Variants in ROBO1 observed in about 807,000 individuals in gnomAD.
ROBO1 encodes the protein roundabout homolog 1.
ROBO1 carries 149 observed loss-of-function variants against 195.9 expected under a neutral mutation model. The observed-to-expected ratio is 0.76, with a 90% CI of 0.67 to 0.87. ROBO1 has a LOEUF of 0.87. Among genes scored for constraint, ROBO1 ranks in the 40% least tolerant of loss-of-function variants. ROBO1 has a pLI of 0.00. For synonymous variants in ROBO1, 816 were observed against 733.2 expected (o/e 1.11, Z -1.82); for missense variants, 1,933 against 2,068.3 (o/e 0.93, Z 1.27).
chr3:78,770,329 T>A (rs1238070301), intron 4 of ROBO1, among the ~76,000 whole-genome samples: 1 of 152,220 alleles, frequency 6.6e-6, no homozygotes, highest in Non-Finnish European at 1.5e-5. Flanking sequence ...CAGAATGGTG[T>A]GAGATGGTAT....
At position 79,218,467 on chromosome 3, in the gene ROBO1, C is replaced by G. The variant is rs180685237; in HGVS notation, c.89-92928G>C. 1.2e-3 allele frequency among the ~76,000 whole-genome samples: 189 copies of G among 152,020 alleles called. 3 individuals carry two copies. The highest frequency in any genetic ancestry group is 3.7e-3 in the African/African-American group (153 of 41,522). ...TGGTACTAACTACCACAAATAAATT[C>G]TTTTGGATAGAGTCCAAAATGCATC... On this transcript the variant is annotated intron_variant, in intron 2 of 30. Coordinates refer to ENST00000464233, the MANE Select transcript of ROBO1 (RefSeq NM_002941.4).
intron 2 of ROBO1, among the ~76,000 whole-genome samples, chr3:79,289,712 A>T (rs183053651): frequency 6.6e-6 from 1 of 152,334 alleles, no homozygotes; most frequent in East Asian, 1.9e-4. Context: ...ATATGCAAGA[A>T]ATAAATATTG....
At chr3:78,954,565 C>A (rs1483188533) in intron 3 of ROBO1, among the ~76,000 whole-genome samples, 2 of 152,048 alleles carry the variant, frequency 1.3e-5, no homozygotes, top group Admixed American at 6.6e-5. Context: ...GAAATGTTCA[C>A]TGACAAAGGA....
At chr3:79,612,024 T>G (rs951360867) in intron 1 of ROBO1, among the ~76,000 whole-genome samples, 1 of 131,020 alleles carries the variant, frequency 7.6e-6, no homozygotes, top group Non-Finnish European at 1.6e-5. Flanking sequence ...GACTATTATC[T>G]TTTTTTTTAT....
chr3:79,384,689 G>T (rs2036678153), intron 2 of ROBO1, among the ~76,000 whole-genome samples: 1 of 151,870 alleles, frequency 6.6e-6, no homozygotes, highest in Admixed American at 6.6e-5. Context: ...ATTATGATAA[G>T]TCCTAGATGT....
At chr3:79,636,351 C>A (rs1001745507) in intron 1 of ROBO1, among the ~76,000 whole-genome samples, 3 of 152,064 alleles carry the variant, frequency 2.0e-5, no homozygotes, top group Non-Finnish European at 4.4e-5. Flanking sequence ...AGGGAGCAAA[C>A]CTCTTGAAAT....
rs1406578686 is a variant in ROBO1 at position 79,461,933 on chromosome 3, C to CA, written c.88+127890dup. Among the ~76,000 whole-genome samples the CA allele has an allele frequency of 2.0e-5, 3 of 151,992 alleles. No homozygotes were observed. The East Asian group carries it at 5.8e-4, about 29-fold the overall frequency. On this transcript the variant is annotated intron_variant, in intron 2 of 30. Transcript: ENST00000464233. ...TTCCTAAAAAACAATCCAAACTAAG[C>CA]AAAAAATGTTGTTGTCCAATCTATC...
At chr3:79,199,766 G>A (rs570783820) in intron 2 of ROBO1, among the ~76,000 whole-genome samples, 46 of 151,444 alleles carry the variant, frequency 3.0e-4, no homozygotes, top group South Asian at 1.5e-3. Context: ...GGATTCAATC[G>A]TAGTACATTA....
intron 3 of ROBO1, among the ~76,000 whole-genome samples, chr3:79,038,057 C>A (rs1386368108): frequency 6.6e-6 from 1 of 152,086 alleles, no homozygotes; most frequent in Non-Finnish European, 1.5e-5. Context: ...ATAGCACTTT[C>A]TTAAACTTTA....
rs1035106767 is a variant in ROBO1 at position 78,712,307 on chromosome 3, G to GT, written c.1045+2089dup. ...ATGAGCTATACACAAAACACGGAAAGTTTTTTAACAATACAATTACACTAC... is the reference window on the plus strand; with the variant it reads ...ATGAGCTATACACAAAACACGGAAAGTTTTTTTAACAATACAATTACACTAC... On this transcript the variant is annotated intron_variant, in intron 8 of 30. Transcript: ENST00000464233. Among the ~76,000 whole-genome samples, 297 of 152,172 alleles carry GT rather than the reference G, an allele frequency of 2.0e-3. 2 individuals are homozygous for GT. Among genetic ancestry groups the GT allele is most frequent in the African/African-American group, 6.8e-3 (283 of 41,518 alleles).
chr3:79,715,881 C>T (rs1702461473), intron 1 of ROBO1, among the ~76,000 whole-genome samples: 1 of 151,978 alleles, frequency 6.6e-6, no homozygotes, highest in Admixed American at 6.6e-5. Flanking sequence ...TAGGTATTAA[C>T]ATATAGGTAT....
chr3:78,900,192 A>G (rs773430436), intron 4 of ROBO1, among the ~76,000 whole-genome samples: 2 of 152,220 alleles, frequency 1.3e-5, no homozygotes, highest in Non-Finnish European at 2.9e-5. Flanking sequence ...AGATAGAATC[A>G]ATAGTAACAT....
chr3:78,904,915 T>A (rs908893691), intron 4 of ROBO1, among the ~76,000 whole-genome samples: 28 of 151,996 alleles, frequency 1.8e-4, no homozygotes, highest in African/African-American at 6.8e-4. Flanking sequence ...AATGAAATGA[T>A]TCCTTACTAT....
intron 1 of ROBO1, among the ~76,000 whole-genome samples, chr3:79,669,266 G>T (rs1415433062): frequency 6.6e-6 from 1 of 151,782 alleles, no homozygotes; most frequent in Non-Finnish European, 1.5e-5. Context: ...GATGTAAGAA[G>T]TGACTTGCTA....
rs527985937 is a variant in ROBO1, at chr3:78,889,890, C to T, written c.499+48711G>A. ...ATTAATGATACTAAGACAATACTCG[C>T]CGTTGCTCTTCCATCTCCCTGGCTC... On this transcript the variant is annotated intron_variant, in intron 4 of 30. Transcript: ENST00000464233. 4.2e-3 allele frequency among the ~76,000 whole-genome samples: 641 copies of T among 152,092 alleles called. 6 individuals carry two copies. The highest frequency in any genetic ancestry group is 0.03 in the South Asian group (145 of 4,820).
chr3:79,527,078 G>T (rs941886532), intron 2 of ROBO1, among the ~76,000 whole-genome samples: 14 of 152,022 alleles, frequency 9.2e-5, no homozygotes, highest in Non-Finnish European at 1.5e-4. Context: ...ATGGTTGTCT[G>T]GGAATATATT....
At chr3:79,494,883 C>A (rs187937882) in intron 2 of ROBO1, among the ~76,000 whole-genome samples, 9 of 152,256 alleles carry the variant, frequency 5.9e-5, no homozygotes, top group African/African-American at 2.2e-4. Flanking sequence ...ATCCATATGA[C>A]CCCTAATAGG....
chr3:78,651,987 C>CAAA, intron 18 of ROBO1, 58 bp from the exon 19 acceptor site: 1 of 1,316,162 alleles, frequency 7.6e-7, no homozygotes, highest in Non-Finnish European at 1.1e-6. Context: ...AATGCACGCA[C>CAAA]TCATTTGTGG....
intron 3 of ROBO1, among the ~76,000 whole-genome samples, chr3:79,102,209 G>C (rs1361087102): frequency 6.6e-6 from 1 of 151,690 alleles, no homozygotes; most frequent in Non-Finnish European, 1.5e-5. Flanking sequence ...TCCATTTTCA[G>C]ATTCAAAGGA....
Sources: allele counts gnomAD v4.1 joint callset (sites outside exome capture counted in the v4.1 genomes callset), GRCh38; gene constraint gnomAD v4.1.1; transcripts MANE v1.5; gene names NCBI Gene and HGNC (gene_info 2026-07-23, HGNC 2026-07-21).